Variants in FIG4 observed in about 807,000 individuals in gnomAD.
The protein encoded by FIG4 is polyphosphoinositide phosphatase.
Under a neutral mutation model 118.6 loss-of-function variants are expected in FIG4, and 112 were observed. The observed-to-expected ratio is 0.94, with a 90% CI of 0.81 to 1.11. The LOEUF is 1.11. Among genes scored for constraint, FIG4 ranks in the 50% least tolerant of loss-of-function variants. The pLI is 0.00. For missense variants in FIG4, 969 were observed against 1,111.7 expected (o/e 0.87, Z 1.83); for synonymous variants, 369 against 381.2 (o/e 0.97, Z 0.37).
chr6:109,699,994 CTTGAACCTCT>C (rs1317630621), intron 1 of FIG4, among the ~76,000 whole-genome samples: 1 of 152,166 alleles, frequency 6.6e-6, no homozygotes, highest in Non-Finnish European at 1.5e-5. Flanking sequence ...ATAAGGCTTC[CTTGAACCTCT>C]TTCATAAGTG....
intron 10 of FIG4, among the ~76,000 whole-genome samples, chr6:109,751,998 C>T (rs1374520243): frequency 9.3e-6 from 1 of 107,790 alleles, no homozygotes; most frequent in African/African-American, 3.6e-5. Context: ...CTCCCCCCAC[C>T]CCACAACAGT....
At chr6:109,772,497 C>G (rs575608565) in intron 15 of FIG4, among the ~76,000 whole-genome samples, 1 of 152,080 alleles carries the variant, frequency 6.6e-6, no homozygotes, top group Non-Finnish European at 1.5e-5. Context: ...GCTCTCGTTG[C>G]CCAGACTGGA....
intron 22 of FIG4, among the ~76,000 whole-genome samples, chr6:109,815,686 A>G (rs1470572350): frequency 6.6e-6 from 1 of 152,014 alleles, no homozygotes; most frequent in Non-Finnish European, 1.5e-5. Context: ...TGAAAGGGAC[A>G]TTGTGCTCCC....
At chr6:109,731,208 G>A (rs1463577265) in intron 4 of FIG4, among the ~76,000 whole-genome samples, 3 of 152,186 alleles carry the variant, frequency 2.0e-5, no homozygotes, top group African/African-American at 4.8e-5. Flanking sequence ...TGTGGGAAAT[G>A]AGTTGTATAC....
chr6:109,710,640 CT>C (rs1348942757), intron 1 of FIG4, among the ~76,000 whole-genome samples: 6 of 152,128 alleles, frequency 3.9e-5, no homozygotes, highest in Non-Finnish European at 8.8e-5. Flanking sequence ...CTATTTATTA[CT>C]GCCTCAGTTT....
chr6:109,695,052 G>A (rs1012072913), intron 1 of FIG4, among the ~76,000 whole-genome samples: 1 of 152,066 alleles, frequency 6.6e-6, no homozygotes, highest in Admixed American at 6.6e-5. Flanking sequence ...CTAAAAATCC[G>A]GCAGTCCCAC....
At chr6:109,822,816 T>C (rs935947813) in intron 22 of FIG4, among the ~76,000 whole-genome samples, 6 of 123,290 alleles carry the variant, frequency 4.9e-5, no homozygotes, top group Non-Finnish European at 1.1e-4. Flanking sequence ...TATATATATA[T>C]ATATATATAT....
At chr6:109,769,754 A>G (rs1478700899) in intron 15 of FIG4, among the ~76,000 whole-genome samples, 1 of 152,184 alleles carries the variant, frequency 6.6e-6, no homozygotes, top group African/African-American at 2.4e-5. Context: ...TCCCATCTCT[A>G]CAACAAATAC....
At chr6:109,722,991 C>G (rs1183357857) in intron 3 of FIG4, among the ~76,000 whole-genome samples, 1 of 54,102 alleles carries the variant, frequency 1.8e-5, no homozygotes, top group East Asian at 3.9e-4. Context: ...GAGTAGATAT[C>G]CTGTCAACGC....
In FIG4 at chr6:109,766,681, G is replaced by C. The variant is rs1777289002; in HGVS notation, c.1584-48G>C. 2.0e-6 allele frequency: 3 copies of C among 1,538,304 alleles called. No individual in the cohort carries two copies. In the African/African-American group the frequency reaches 4.1e-5, roughly 21 times the overall value. ...TGGAGTTTGGCTAAGTGAATAACTT[G>C]TGCTTTGATTTTGGTGAAATTCTTT... On this transcript the variant is annotated intron_variant, in intron 14 of 22. Coordinates refer to ENST00000230124, the MANE Select transcript of FIG4 (RefSeq NM_014845.6).
At chr6:109,757,840 G>A (rs2128390418) in intron 10 of FIG4, among the ~76,000 whole-genome samples, 1 of 152,258 alleles carries the variant, frequency 6.6e-6, no homozygotes, top group East Asian at 1.9e-4. Flanking sequence ...GTCAAATCAT[G>A]AATGAACTCC....
chr6:109,803,013 C>T (rs928263646), intron 22 of FIG4, among the ~76,000 whole-genome samples: 1 of 152,172 alleles, frequency 6.6e-6, no homozygotes, highest in Admixed American at 6.5e-5. Flanking sequence ...TTAGGTACCC[C>T]CTTCACATGG....
At chr6:109,760,183 A>C in intron 10 of FIG4, 67 bp from the exon 11 acceptor site, 1 of 1,392,038 alleles carries the variant, frequency 7.2e-7, no homozygotes, top group East Asian at 2.3e-5. Context: ...TTAAAAGTAA[A>C]CATGTTGAGC....
Position 109,785,106 on chromosome 6 carries a change from C to T in FIG4, c.1948+78C>T. ...CCTTAATGAACTTGAAGCATTAAAT[C>T]CTTTGCACATAGTATTTTATTAGAA... On this transcript the variant is annotated intron_variant, in intron 17 of 22. Transcript: ENST00000230124. 2 of 822,090 alleles carry T rather than the reference C, an allele frequency of 2.4e-6. 1 individual carries two copies. Among genetic ancestry groups the T allele is most frequent in the South Asian group, 2.7e-5 (2 of 74,512 alleles). The allele number at this position is 822,090 out of a possible 1,614,324, so 50.9% of individuals were successfully genotyped here.
chr6:109,728,326 A>AT (rs1336555083), intron 4 of FIG4, among the ~76,000 whole-genome samples: 1 of 152,102 alleles, frequency 6.6e-6, no homozygotes, highest in African/African-American at 2.4e-5. Context: ...TTTCCCTGCA[A>AT]TTTTTCCTGT....
At chr6:109,823,909 G>C (rs770274684) in intron 22 of FIG4, among the ~76,000 whole-genome samples, 1 of 152,130 alleles carries the variant, frequency 6.6e-6, no homozygotes, top group Non-Finnish European at 1.5e-5. Flanking sequence ...TTGTCATTGT[G>C]CCCCCCAGCC....
chr6:109,754,861 T>G (rs2128389661), intron 10 of FIG4, among the ~76,000 whole-genome samples: 1 of 152,304 alleles, frequency 6.6e-6, no homozygotes, highest in Non-Finnish European at 1.5e-5. Context: ...AGTCTATCAA[T>G]TTTGTTGATC....
chr6:109,701,086 C>T (rs1026112688), intron 1 of FIG4, among the ~76,000 whole-genome samples: 30 of 152,092 alleles, frequency 2.0e-4, no homozygotes, highest in African/African-American at 6.5e-4. Flanking sequence ...GCTCTGGAGG[C>T]GAAGTTCAGG....
chr6:109,724,054 C>T (rs186888983), intron 3 of FIG4, among the ~76,000 whole-genome samples: 3 of 151,944 alleles, frequency 2.0e-5, no homozygotes, highest in Admixed American at 2.0e-4. Context: ...CAATATTTCC[C>T]AAAATATGTT....
Sources: gnomAD v4.1 joint callset for allele counts (sites outside exome capture counted in the v4.1 genomes callset) on GRCh38, gnomAD v4.1.1 for gene constraint, MANE v1.5 for transcripts, NCBI Gene and HGNC (gene_info 2026-07-23, HGNC 2026-07-21) for gene names.